Variants in CLUL1 observed in about 807,000 individuals in gnomAD.
The protein encoded by CLUL1 is clusterin like 1.
CLUL1 carries 43 observed loss-of-function variants against 49.4 expected under a neutral mutation model. The ratio of observed to expected loss-of-function variants is 0.87; its 90% CI spans 0.68 to 1.12. CLUL1 has a LOEUF of 1.12. Among genes scored for constraint, CLUL1 ranks in the 50% most tolerant of loss-of-function variants. The pLI, the probability that CLUL1 is intolerant of heterozygous loss-of-function variation, is 0.00. For synonymous variants in CLUL1, 192 were observed against 184.9 expected, an observed-to-expected ratio of 1.04 and a Z score of -0.31; for missense variants, 486 against 544.4, an observed-to-expected ratio of 0.89 and a Z score of 1.07.
intron 7 of CLUL1, among the ~76,000 whole-genome samples, chr18:634,891 TACA>T (rs1046039453): frequency 6.6e-6 from 1 of 152,102 alleles, no homozygotes. Context: ...AGGGCCAAAT[TACA>T]ACTTTTCTTA....
chr18:637,022 C>T (rs567242658), intron 7 of CLUL1, among the ~76,000 whole-genome samples: 9 of 148,530 alleles, frequency 6.1e-5, no homozygotes, highest in South Asian at 2.2e-4. Context: ...AGTCTTGCTC[C>T]GTCGCCCAGG....
At chr18:626,726 C>T (rs556708475) in intron 5 of CLUL1, among the ~76,000 whole-genome samples, 10 of 149,720 alleles carry the variant, frequency 6.7e-5, no homozygotes, top group Non-Finnish European at 1.5e-4. Context: ...CCAGGCATGG[C>T]GGTGTGCAAC....
At chr18:617,844 C>T in intron 2 of CLUL1, 144 bp from the exon 3 acceptor site, 1 of 649,880 alleles carries the variant, frequency 1.5e-6, no homozygotes, top group East Asian at 2.7e-5. Flanking sequence ...TTCCTTATGT[C>T]TCAGGCACAT....
At chr18:640,865 T>C (rs929442603) in intron 7 of CLUL1, among the ~76,000 whole-genome samples, 8 of 152,192 alleles carry the variant, frequency 5.3e-5, no homozygotes, top group African/African-American at 1.9e-4. Context: ...CTATTTACTA[T>C]ACACTTTTGG....
At chr18:625,649 A>G (rs756359461) in intron 5 of CLUL1, among the ~76,000 whole-genome samples, 1 of 151,904 alleles carries the variant, frequency 6.6e-6, no homozygotes, top group Non-Finnish European at 1.5e-5. Flanking sequence ...GAGCAGAGGG[A>G]TCACAGAGGG....
chr18:641,462 A>T lies in CLUL1; in HGVS notation c.1130A>T (p.Lys377Met). 6.2e-7 allele frequency: 1 copy of T among 1,614,224 alleles called. No individual in the cohort carries two copies. The highest frequency in any genetic ancestry group is 1.1e-5 in the South Asian group (1 of 91,084). ...GAGGACACCGCCTATCTGGTGGAGA[A>T]GATGAGAGGGCAATTTGGCTGGGTG... ...HLEDTAYLVE[K>M]MRGQFGWVSE... Residue 377 changes from lysine to methionine, a missense_variant, in exon 8 of 10, where the codon AAG becomes ATG. Coordinates refer to ENST00000692774, the MANE Select transcript of CLUL1 (RefSeq NM_001393344.1).
chr18:647,951 T>G (rs1288740968), intron 9 of CLUL1, among the ~76,000 whole-genome samples: 1 of 152,148 alleles, frequency 6.6e-6, no homozygotes, highest in Non-Finnish European at 1.5e-5. Flanking sequence ...TCTTTGTCAG[T>G]GGGGACTTAG....
chr18:623,737 G>A (rs1198410262), intron 4 of CLUL1, among the ~76,000 whole-genome samples: 1 of 148,492 alleles, frequency 6.7e-6, no homozygotes, highest in Admixed American at 6.7e-5. Flanking sequence ...GGGTCAAAAT[G>A]TATATTGGCA....
At chr18:608,896 C>A (rs372672798) in intron 2 of CLUL1, among the ~76,000 whole-genome samples, 30 of 152,098 alleles carry the variant, frequency 2.0e-4, no homozygotes, top group African/African-American at 6.8e-4. Context: ...CATTATAATA[C>A]CATTATAATA....
Position 597,033 on chromosome 18 carries a change from C to T in CLUL1, c.-232C>T, listed in dbSNP as rs576697854. On this transcript the variant is annotated 5_prime_UTR_variant, in exon 1 of 10. Transcript: ENST00000692774. The stretch of plus-strand genomic sequence containing the variant: ...CCGGGCCGCGGGGTTGGTTTCCACC[C>T]TGGAGGTTGCTGACACCCTGTGCCC... 2 of 152,232 alleles carry T rather than the reference C, an allele frequency of 1.3e-5. No homozygotes were observed. Among genetic ancestry groups the T allele is most frequent in the African/African-American group, 4.8e-5 (2 of 41,350 alleles). The allele number at this position is 152,232 out of a possible 1,614,324, so 9.4% of individuals were successfully genotyped here. A position where few individuals can be genotyped will look rare whatever the true frequency, so the allele number is the denominator to read the frequency against.
chr18:645,804 AAAAAAAATATATATATATATATAT>A (rs1306258221), intron 9 of CLUL1, among the ~76,000 whole-genome samples: 3 of 48,670 alleles, frequency 6.2e-5, no homozygotes, highest in African/African-American at 8.7e-5. Context: ...AAAAAAAAAA[AAAAAAAATATATATATATATATAT>A]ATATATATAT....
At chr18:602,894 T>C (rs1203724163) in intron 1 of CLUL1, among the ~76,000 whole-genome samples, 3 of 151,314 alleles carry the variant, frequency 2.0e-5, no homozygotes, top group Non-Finnish European at 4.4e-5. Context: ...AGAGGTGGAG[T>C]GGAAAAGGAG....
chr18:608,917 ATTTTCT>A (rs1332049767), intron 2 of CLUL1, among the ~76,000 whole-genome samples: 1 of 152,060 alleles, frequency 6.6e-6, no homozygotes, highest in Non-Finnish European at 1.5e-5. Context: ...ATCTAAATCT[ATTTTCT>A]TTATCGTCCA....
intron 4 of CLUL1, among the ~76,000 whole-genome samples, chr18:622,707 T>C (rs1045600259): frequency 1.3e-5 from 2 of 152,200 alleles, no homozygotes; most frequent in Non-Finnish European, 2.9e-5. Context: ...GCCTGAGAGA[T>C]ACTAGTTATT....
chr18:649,978 G>A lies in CLUL1; in HGVS notation c.*77G>A. On this transcript the variant is annotated 3_prime_UTR_variant, in exon 10 of 10. Coordinates refer to ENST00000692774, the MANE Select transcript of CLUL1 (RefSeq NM_001393344.1). Reference sequence around the variant, plus strand: ...GACCTGGAAATCCTGAAATAAAAAAGGATAATGCAATAAACACAGTTGCAG... The same window carrying A: ...GACCTGGAAATCCTGAAATAAAAAAAGATAATGCAATAAACACAGTTGCAG... 1 of 997,550 alleles carries A rather than the reference G, an allele frequency of 1.0e-6. No homozygotes were observed. Among genetic ancestry groups the A allele is most frequent in the Non-Finnish European group, 1.5e-6 (1 of 652,588 alleles). 61.8% of individuals were successfully genotyped at this position (997,550 alleles called of 1,614,324 possible). A position where few individuals can be genotyped will look rare whatever the true frequency, so the allele number is the denominator to read the frequency against.
At chr18:640,919 T>C (rs1019922314) in intron 7 of CLUL1, among the ~76,000 whole-genome samples, 7 of 152,202 alleles carry the variant, frequency 4.6e-5, no homozygotes, top group Middle Eastern at 6.3e-3. Flanking sequence ...CTTTTCCTCT[T>C]TTCCCATACT....
intron 1 of CLUL1, among the ~76,000 whole-genome samples, chr18:604,343 T>C (rs1433755982): frequency 5.3e-5 from 8 of 152,218 alleles, no homozygotes; most frequent in Admixed American, 5.2e-4. Flanking sequence ...GTTTCCAGTT[T>C]TGGGCTATTA....
intron 9 of CLUL1, among the ~76,000 whole-genome samples, chr18:648,928 T>C (rs1448938581): frequency 6.6e-6 from 1 of 152,158 alleles, no homozygotes; most frequent in Admixed American, 6.5e-5. Context: ...CAAGGGCTGG[T>C]ATTACAGGCA....
At chr18:641,664 T>C (rs2074348915) in intron 8 of CLUL1, 123 bp downstream of exon 8, 1 of 792,980 alleles carries the variant, frequency 1.3e-6, no homozygotes. Context: ...CATATTTCCA[T>C]TGTGATTGCC....
Sources: gnomAD v4.1 joint callset for allele counts (sites outside exome capture counted in the v4.1 genomes callset) on GRCh38, gnomAD v4.1.1 for gene constraint, MANE v1.5 for transcripts, NCBI Gene and HGNC (gene_info 2026-07-23, HGNC 2026-07-21) for gene names.